The following KCTD10 variants were observed in gnomAD, a reference collection of about 807,000 sequenced individuals.
The protein encoded by KCTD10 is potassium channel tetramerization domain containing 10.
KCTD10 carries 13 observed loss-of-function variants against 34.6 expected under a neutral mutation model. That is an observed-to-expected ratio of 0.38 (90% CI 0.24 to 0.60). The LOEUF (loss-of-function observed/expected upper bound fraction) is 0.60, where lower values mean the gene tolerates loss of function less well. KCTD10 is among the 20% of genes least tolerant of loss of function. The pLI, the probability that KCTD10 is intolerant of heterozygous loss-of-function variation, is 0.66. For synonymous variants in KCTD10, 156 were observed against 168.8 expected, an observed-to-expected ratio of 0.92 and a Z score of 0.59; for missense variants, 256 against 420.3, an observed-to-expected ratio of 0.61 and a Z score of 3.42.
rs979265962 is a variant in KCTD10 at position 109,450,028 on chromosome 12, A to G, written c.*1567T>C. 1.6e-5 allele frequency: 6 copies of G among 368,934 alleles called. No individual in the cohort carries two copies. The highest frequency in any genetic ancestry group is 1.9e-5 in the Non-Finnish European group (4 of 207,758). 22.9% of individuals were successfully genotyped at this position (368,934 alleles called of 1,614,324 possible). A position where few individuals can be genotyped will look rare whatever the true frequency, so the allele number is the denominator to read the frequency against. Reference sequence around the variant, plus strand: ...GCTGTTGGATACAAAATGAAGGCATACAACTGTCACAGGCAGGGCAGTAAG... The same window carrying G: ...GCTGTTGGATACAAAATGAAGGCATGCAACTGTCACAGGCAGGGCAGTAAG... On this transcript the variant is annotated 3_prime_UTR_variant, in exon 7 of 7. Coordinates refer to ENST00000228495, the MANE Select transcript of KCTD10 (RefSeq NM_031954.5).
In KCTD10 at chr12:109,456,117, C is replaced by T; in HGVS notation, c.723+1G>A. On this transcript the variant is annotated splice_donor_variant, in intron 6 of 6. Transcript: ENST00000228495. LOFTEE classifies it high-confidence loss of function. ...CCAAACTGTCCTCTCGAGGCTCTTA[C>T]CTTGGTCTGTTTCTTCTCAGTGGCA... is the stretch of plus-strand genomic sequence containing the variant. 6.2e-7 allele frequency: 1 copy of T among 1,614,124 alleles called. No homozygotes were observed. The highest frequency in any genetic ancestry group is 8.5e-7 in the Non-Finnish European group (1 of 1,180,004).
chr12:109,456,607 C>A (rs1040092558), intron 5 of KCTD10: 1 of 434,572 alleles, frequency 2.3e-6, no homozygotes. Flanking sequence ...TGAGTGACAG[C>A]CTCTGGGCAC....
At position 109,450,228 on chromosome 12, in the gene KCTD10, GTC is replaced by G; in HGVS notation, c.*1365_*1366del. 1 of 398,594 alleles carries G rather than the reference GTC, an allele frequency of 2.5e-6. No individual in the cohort carries two copies. The highest frequency in any genetic ancestry group is 4.4e-6 in the Non-Finnish European group (1 of 226,062). 24.7% of individuals were successfully genotyped at this position (398,594 alleles called of 1,614,324 possible). A position where few individuals can be genotyped will look rare whatever the true frequency, so the allele number is the denominator to read the frequency against. ...CCTGGTAACTACTCTACCTAGTCTA[GTC>G]TCAACCACCCCTGTCAGTCACGACT... On this transcript the variant is annotated 3_prime_UTR_variant, in exon 7 of 7. Transcript: ENST00000228495.
At chr12:109,477,156 G>A in intron 1 of KCTD10, 104 bp downstream of exon 1, 1 of 1,374,704 alleles carries the variant, frequency 7.3e-7, no homozygotes, top group Non-Finnish European at 9.9e-7. Flanking sequence ...TATCGTGACT[G>A]CCCCTCATCA....
intron 5 of KCTD10, chr12:109,456,547 C>A: frequency 5.5e-6 from 3 of 542,136 alleles, no homozygotes; most frequent in South Asian, 4.0e-5. Context: ...GACACGCCCC[C>A]CAAAAGACAG....
intron 6 of KCTD10, among the ~76,000 whole-genome samples, chr12:109,452,055 TAC>T (rs1390519877): frequency 5.9e-5 from 9 of 152,152 alleles, no homozygotes; most frequent in Non-Finnish European, 1.5e-5. Context: ...TTCTTAAAGG[TAC>T]AGTTTCTCAT....
chr12:109,469,508 A>G lies in KCTD10; in HGVS notation c.217+7T>C, dbSNP rs1325035749. Reference sequence around the variant, plus strand: ...GCCAGAGGCAGGCACATGGTGGGTGAGCTTACCTTCACTGTCGGTGAGCAC... The same window carrying G: ...GCCAGAGGCAGGCACATGGTGGGTGGGCTTACCTTCACTGTCGGTGAGCAC... On this transcript the variant is annotated splice_region_variant and intron_variant, in intron 2 of 6. Coordinates refer to ENST00000228495, the MANE Select transcript of KCTD10 (RefSeq NM_031954.5). 1.2e-6 allele frequency: 2 copies of G among 1,613,380 alleles called. No individual in the cohort carries two copies. Among genetic ancestry groups the G allele is most frequent in the Non-Finnish European group, 1.7e-6 (2 of 1,179,720 alleles).
chr12:109,477,240 A>C lies in KCTD10; in HGVS notation c.3+20T>G. On this transcript the variant is annotated intron_variant, in intron 1 of 6. Coordinates refer to ENST00000228495, the MANE Select transcript of KCTD10 (RefSeq NM_031954.5). ...CTCGGCCGCCCTCAACCCCTAGTCC[A>C]TGGGCACCGCCCTCCCTACCATGAA... 6.2e-7 allele frequency: 1 copy of C among 1,613,190 alleles called. No homozygotes were observed. Among genetic ancestry groups the C allele is most frequent in the South Asian group, 1.1e-5 (1 of 90,946 alleles).
intron 1 of KCTD10, among the ~76,000 whole-genome samples, chr12:109,472,944 C>T (rs925414570): frequency 6.6e-6 from 1 of 152,176 alleles, no homozygotes; most frequent in Non-Finnish European, 1.5e-5. Context: ...CCTGTGTAGC[C>T]CCCACTCCAA....
intron 2 of KCTD10, among the ~76,000 whole-genome samples, chr12:109,467,772 G>A (rs1014197054): frequency 6.6e-6 from 1 of 151,974 alleles, no homozygotes; most frequent in Non-Finnish European, 1.5e-5. Context: ...TGTTTTCCAG[G>A]CAGCACCAGG....
At chr12:109,461,337 C>T (rs1873314878) in intron 2 of KCTD10, among the ~76,000 whole-genome samples, 1 of 152,204 alleles carries the variant, frequency 6.6e-6, no homozygotes, top group Admixed American at 6.5e-5. Context: ...TGACCAGCAC[C>T]AACACAGGAA....
At chr12:109,455,580 A>C (rs1179244543) in intron 6 of KCTD10, 1 of 157,432 alleles carries the variant, frequency 6.4e-6, no homozygotes, top group Non-Finnish European at 1.4e-5. Flanking sequence ...GACAAGAGGC[A>C]TGACCGTCGG....
At chr12:109,474,135 G>T (rs967671247) in intron 1 of KCTD10, among the ~76,000 whole-genome samples, 1 of 151,564 alleles carries the variant, frequency 6.6e-6, no homozygotes, top group Non-Finnish European at 1.5e-5. Context: ...GGCTGGTCTC[G>T]AACTCCCGAC....
rs138752845 is a variant in KCTD10, at chr12:109,450,252, G to A, written c.*1343C>T. On this transcript the variant is annotated 3_prime_UTR_variant, in exon 7 of 7. Coordinates refer to ENST00000228495, the MANE Select transcript of KCTD10 (RefSeq NM_031954.5). ...AGTCTCAACCACCCCTGTCAGTCAC[G>A]ACTCACTCCTGTTCCTTTGCAGGTG... 118 of 398,518 alleles carry A rather than the reference G, an allele frequency of 3.0e-4. No homozygotes were observed. Among genetic ancestry groups the A allele is most frequent in the African/African-American group, 1.6e-3 (77 of 48,712 alleles). The allele number at this position is 398,518 out of a possible 1,614,324, so 24.7% of individuals were successfully genotyped here. A position where few individuals can be genotyped will look rare whatever the true frequency, so the allele number is the denominator to read the frequency against.
chr12:109,471,176 G>A (rs1442594234), intron 1 of KCTD10: 1 of 985,206 alleles, frequency 1.0e-6, no homozygotes, highest in Non-Finnish European at 1.2e-6. Flanking sequence ...ATAATGAATG[G>A]GTACTACAAC....
intron 5 of KCTD10, 37 bp from the exon 6 acceptor site, chr12:109,456,350 G>T: frequency 6.3e-7 from 1 of 1,594,842 alleles, no homozygotes; most frequent in Non-Finnish European, 8.6e-7. Flanking sequence ...CCACAAGCTG[G>T]TAAAAACTGC....
chr12:109,472,690 C>A (rs751605030), intron 1 of KCTD10, among the ~76,000 whole-genome samples: 2 of 152,190 alleles, frequency 1.3e-5, no homozygotes, highest in African/African-American at 4.8e-5. Flanking sequence ...AGCATCACCA[C>A]GAACACGTAA....
intron 2 of KCTD10, among the ~76,000 whole-genome samples, chr12:109,466,127 T>C (rs547727265): frequency 3.8e-4 from 58 of 152,244 alleles, no homozygotes; most frequent in African/African-American, 1.3e-3. Context: ...TGCCACAGTG[T>C]CCTTGTCTTC....
In KCTD10 at chr12:109,468,624, T is replaced by C. The variant is rs181859730; in HGVS notation, c.217+891A>G. On this transcript the variant is annotated intron_variant, in intron 2 of 6. Coordinates refer to ENST00000228495, the MANE Select transcript of KCTD10 (RefSeq NM_031954.5). ...ATTCCAGGTGAGTAGGAAGTAGTTA[T>C]GACAATGCCCCTCTCAACAATTCTT... Among the ~76,000 whole-genome samples the C allele has an allele frequency of 3.3e-3, 497 of 151,366 alleles. 2 individuals carry two copies. Among genetic ancestry groups the C allele is most frequent in the Admixed American group, 4.4e-3 (67 of 15,222 alleles).
Sources: gnomAD v4.1 joint callset for allele counts (sites outside exome capture counted in the v4.1 genomes callset) on GRCh38, gnomAD v4.1.1 for gene constraint, MANE v1.5 for transcripts, NCBI Gene and HGNC (gene_info 2026-07-23, HGNC 2026-07-21) for gene names.